The following EYS variants were observed in gnomAD, a reference collection of about 807,000 sequenced individuals.
EYS encodes the protein EGF-like photoreceptor maintenance factor, also known as protein eyes shut homolog.
In EYS, 250 loss-of-function variants were observed where a neutral mutation model predicts 282.1. The observed-to-expected ratio is 0.89, with a 90% confidence interval of 0.80 to 0.98. The LOEUF (loss-of-function observed/expected upper bound fraction) is 0.98, where lower values mean the gene tolerates loss of function less well. Ranked by LOEUF, EYS falls within the 50% of genes least tolerant of loss-of-function variation. EYS has a pLI of 0.00. For missense variants in EYS, 4,016 were observed against 3,709.0 expected (o/e 1.08, Z -2.15); for synonymous variants, 1,355 against 1,282.9 (o/e 1.06, Z -1.20).
intron 31 of EYS, among the ~76,000 whole-genome samples, chr6:64,164,854 TCTA>T (rs1175766229): frequency 6.6e-6 from 1 of 152,164 alleles, no homozygotes; most frequent in East Asian, 1.9e-4. Context: ...ACAAAATAAT[TCTA>T]CTAAATAGAA....
intron 12 of EYS, among the ~76,000 whole-genome samples, chr6:65,103,310 CT>C (rs1195267297): frequency 6.6e-6 from 1 of 151,462 alleles, no homozygotes; most frequent in Non-Finnish European, 1.5e-5. Flanking sequence ...AATAAATTAT[CT>C]GGTGAGAAGA....
At chr6:64,143,896 T>C (rs1366341422) in intron 31 of EYS, among the ~76,000 whole-genome samples, 2 of 151,932 alleles carry the variant, frequency 1.3e-5, no homozygotes, top group Admixed American at 1.3e-4. Context: ...GTCATCTTTT[T>C]CTTTTGGAAG....
chr6:65,342,405 G>A (rs1214495800), intron 10 of EYS, among the ~76,000 whole-genome samples: 1 of 150,866 alleles, frequency 6.6e-6, no homozygotes, highest in Non-Finnish European at 1.5e-5. Flanking sequence ...ATGTTTTATT[G>A]ATGATACTAC....
intron 12 of EYS, 29 bp downstream of exon 12, chr6:65,295,834 T>C: frequency 6.8e-7 from 1 of 1,479,046 alleles, no homozygotes; most frequent in South Asian, 1.3e-5. Context: ...TACTAGAAAA[T>C]TTAATTTATC....
At chr6:65,334,059 A>G (rs1194715072) in intron 11 of EYS, among the ~76,000 whole-genome samples, 2 of 151,778 alleles carry the variant, frequency 1.3e-5, no homozygotes, top group Admixed American at 6.6e-5. Flanking sequence ...GAAAACAGCC[A>G]GTCTAAACGT....
At chr6:65,579,616 G>A (rs891422144) in intron 2 of EYS, among the ~76,000 whole-genome samples, 3 of 152,010 alleles carry the variant, frequency 2.0e-5, no homozygotes, top group Admixed American at 1.3e-4. Flanking sequence ...GAGGCCCCAC[G>A]TGGCCTTACC....
chr6:64,787,937 C>T (rs763624606), intron 22 of EYS, among the ~76,000 whole-genome samples: 4 of 151,834 alleles, frequency 2.6e-5, no homozygotes, highest in South Asian at 4.1e-4. Flanking sequence ...TTACATCATG[C>T]CCCTTTGTAA....
chr6:64,337,061 A>C (rs996524462), intron 29 of EYS, among the ~76,000 whole-genome samples: 1 of 152,098 alleles, frequency 6.6e-6, no homozygotes, highest in Non-Finnish European at 1.5e-5. Context: ...GTCACACCTC[A>C]AGGAACTAAA....
chr6:65,415,010 A>G (rs754516337), intron 5 of EYS, among the ~76,000 whole-genome samples: 14 of 152,250 alleles, frequency 9.2e-5, no homozygotes, highest in Middle Eastern at 6.8e-3. Flanking sequence ...AATGTAGGAG[A>G]AACAAGAGTG....
chr6:65,383,471 T>G (rs1466163171), intron 8 of EYS, among the ~76,000 whole-genome samples: 2 of 151,910 alleles, frequency 1.3e-5, no homozygotes, highest in Admixed American at 1.3e-4. Context: ...TTTTTAATTT[T>G]TATAGCATTC....
intron 22 of EYS, among the ~76,000 whole-genome samples, chr6:64,659,271 C>T (rs1768894435): frequency 6.6e-6 from 1 of 152,014 alleles, no homozygotes; most frequent in Non-Finnish European, 1.5e-5. Context: ...TAAATGCCCA[C>T]AAGAGAAAGC....
intron 2 of EYS, among the ~76,000 whole-genome samples, chr6:65,519,420 G>A (rs76107777): frequency 0.047 from 7,129 of 150,806 alleles, 433 homozygotes; most frequent in African/African-American, 0.14. Flanking sequence ...TAAGAGTTAT[G>A]ATTTTACCTT....
intron 15 of EYS, among the ~76,000 whole-genome samples, chr6:64,917,248 C>A (rs78454303): frequency 6.9e-3 from 940 of 136,198 alleles, no homozygotes; most frequent in Admixed American, 7.4e-3. Context: ...GACTTAGTCT[C>A]AAAAAAAAAA....
At chr6:64,542,114 G>A (rs959361967) in intron 26 of EYS, among the ~76,000 whole-genome samples, 1 of 151,970 alleles carries the variant, frequency 6.6e-6, no homozygotes, top group East Asian at 1.9e-4. Flanking sequence ...AATATTAGTT[G>A]TCAAAAATAA....
chr6:64,239,342 A>G (rs1766716441), intron 30 of EYS, among the ~76,000 whole-genome samples: 1 of 152,172 alleles, frequency 6.6e-6, no homozygotes, highest in Admixed American at 6.5e-5. Flanking sequence ...GTCTTCCACA[A>G]TGGTTGAACT....
chr6:64,876,172 T>C (rs1390262204), intron 19 of EYS, among the ~76,000 whole-genome samples: 1 of 152,082 alleles, frequency 6.6e-6, no homozygotes, highest in Non-Finnish European at 1.5e-5. Context: ...TTAAAATTAA[T>C]GTTATATACT....
intron 12 of EYS, among the ~76,000 whole-genome samples, chr6:65,125,071 T>A (rs1294472948): frequency 6.6e-6 from 1 of 152,196 alleles, no homozygotes; most frequent in Non-Finnish European, 1.5e-5. Flanking sequence ...GGGTCATTTG[T>A]CTAAGTTGTG....
intron 35 of EYS, among the ~76,000 whole-genome samples, chr6:63,948,265 T>C (rs1367257283): frequency 6.6e-6 from 1 of 152,238 alleles, no homozygotes; most frequent in Non-Finnish European, 1.5e-5. Flanking sequence ...AAGATGGATA[T>C]GCCTTTTTTC....
chr6:65,045,243 G>C (rs1773067965), intron 13 of EYS, among the ~76,000 whole-genome samples: 1 of 151,730 alleles, frequency 6.6e-6, no homozygotes, highest in Non-Finnish European at 1.5e-5. Flanking sequence ...TCTGATCTTT[G>C]ACAAAATACA....
Sources: allele counts gnomAD v4.1 joint callset (sites outside exome capture counted in the v4.1 genomes callset), GRCh38; gene constraint gnomAD v4.1.1; transcripts MANE v1.5; gene names NCBI Gene and HGNC (gene_info 2026-07-23, HGNC 2026-07-21).